The following CD99L2 variants were observed in gnomAD, a reference collection of about 807,000 sequenced individuals.
The protein encoded by CD99L2 is CD99 antigen-like protein 2.
In CD99L2, 24 loss-of-function variants were observed where a neutral mutation model predicts 27.3. The observed-to-expected ratio is 0.88, with a 90% CI of 0.64 to 1.24. The LOEUF (loss-of-function observed/expected upper bound fraction) is 1.24, where lower values mean the gene tolerates loss of function less well. CD99L2 is among the 50% of genes most tolerant of loss of function. The pLI, the probability that CD99L2 is intolerant of heterozygous loss-of-function variation, is 0.00. For synonymous variants in CD99L2, 97 were observed against 87.9 expected (o/e 1.10, Z -0.58); for missense variants, 255 against 221.6 (o/e 1.15, Z -0.96).
rs782341419 is a variant in CD99L2 at position 150,837,249 on chromosome X, ATTAT to A, written c.68-5960_68-5957del. Among the ~76,000 whole-genome samples, 79 of 108,919 alleles carry A rather than the reference ATTAT, an allele frequency of 7.3e-4. 1 individual carries two copies. The South Asian group carries it at 0.028, about 38-fold the overall frequency. 94.6% of individuals were successfully genotyped at this position (108,919 alleles called of 115,157 possible). A position where few individuals can be genotyped will look rare whatever the true frequency, so the allele number is the denominator to read the frequency against. ...AGGTGCCAGAAAGTAAGAAAGTATT[ATTAT>A]TTTTTTTTTTTTTGAGACGGAGCTT... On this transcript the variant is annotated intron_variant, in intron 1 of 10. Coordinates refer to ENST00000370377, the MANE Select transcript of CD99L2 (RefSeq NM_031462.4).
intron 1 of CD99L2, among the ~76,000 whole-genome samples, chrX:150,891,189 C>T (rs111437098): frequency 0.021 from 2,408 of 112,412 alleles, 65 homozygotes; most frequent in African/African-American, 0.073. Flanking sequence ...TTACTAGCAT[C>T]CTGTTTTGGC....
intron 1 of CD99L2, among the ~76,000 whole-genome samples, chrX:150,885,696 G>A (rs917773900): frequency 1.3e-4 from 14 of 111,911 alleles, no homozygotes; most frequent in African/African-American, 4.6e-4. Flanking sequence ...GTCTACCGGA[G>A]GGTATATAAT....
intron 1 of CD99L2, among the ~76,000 whole-genome samples, chrX:150,859,460 T>C (rs1427564316): frequency 1.8e-5 from 2 of 108,926 alleles, no homozygotes; most frequent in East Asian, 3.0e-4. Flanking sequence ...GATCGCGCCA[T>C]TGCACTCCAG....
Position 150,816,085 on chromosome X carries a change from G to C in CD99L2, c.131-7C>G, listed in dbSNP as rs2046150227. On this transcript the variant is annotated splice_polypyrimidine_tract_variant and splice_region_variant and intron_variant, in intron 2 of 10. Coordinates refer to ENST00000370377, the MANE Select transcript of CD99L2 (RefSeq NM_031462.4). ...GTGGTGTGGTCCCATGGCTCTAAAA[G>C]GGAGAGGGAGGACAGCAAGGGGAGC... 29 of 1,206,490 alleles carry C rather than the reference G, an allele frequency of 2.4e-5. No homozygotes were observed. The highest frequency in any genetic ancestry group is 3.1e-5 in the Non-Finnish European group (28 of 892,436).
chrX:150,882,479 C>T (rs2047345198), intron 1 of CD99L2, among the ~76,000 whole-genome samples: 1 of 111,897 alleles, frequency 8.9e-6, no homozygotes, highest in Non-Finnish European at 1.9e-5. Flanking sequence ...AATCCTAGCA[C>T]TTTGGGAGGC....
At chrX:150,791,855 G>A (rs1437618642) in intron 7 of CD99L2, among the ~76,000 whole-genome samples, 3 of 111,203 alleles carry the variant, frequency 2.7e-5, no homozygotes, top group Admixed American at 9.5e-5. Context: ...AGGGTAAGAG[G>A]TCTTCCTGAG....
chrX:150,889,476 A>C (rs782649451), intron 1 of CD99L2, among the ~76,000 whole-genome samples: 31 of 112,493 alleles, frequency 2.8e-4, no homozygotes, highest in African/African-American at 8.1e-4. Flanking sequence ...ATAAAAAAAA[A>C]AAAACAAAAG....
intron 1 of CD99L2, among the ~76,000 whole-genome samples, chrX:150,871,383 G>A (rs782726991): frequency 4.5e-5 from 5 of 111,577 alleles, no homozygotes; most frequent in Admixed American, 9.6e-5. Context: ...ATTCATGAAA[G>A]CACTAGAAAC....
chrX:150,881,174 C>A (rs1346404598), intron 1 of CD99L2, among the ~76,000 whole-genome samples: 1 of 111,170 alleles, frequency 9.0e-6, no homozygotes. Context: ...CAGTGTCCTT[C>A]ATGCTCTCAT....
chrX:150,879,247 TA>T (rs1315576706), intron 1 of CD99L2, among the ~76,000 whole-genome samples: 14 of 111,470 alleles, frequency 1.3e-4, no homozygotes, highest in Non-Finnish European at 2.6e-4. Context: ...AGTGGAGACC[TA>T]AAGGAGAAAG....
chrX:150,873,480 G>C (rs1557422243), intron 1 of CD99L2, among the ~76,000 whole-genome samples: 1 of 112,197 alleles, frequency 8.9e-6, no homozygotes, highest in African/African-American at 3.2e-5. Flanking sequence ...GTGTTTCAGA[G>C]CTGGTGAGAG....
chrX:150,818,113 T>C lies in CD99L2; in HGVS notation c.131-2035A>G, dbSNP rs905961828. Reference sequence around the variant, plus strand: ...GCCCCAAAATACATGAAGCAAAAAATTGCAAAATTGAAGAGAACAGATGAT... The same window carrying C: ...GCCCCAAAATACATGAAGCAAAAAACTGCAAAATTGAAGAGAACAGATGAT... On this transcript the variant is annotated intron_variant, in intron 2 of 10. Coordinates refer to ENST00000370377, the MANE Select transcript of CD99L2 (RefSeq NM_031462.4). 2.5e-4 allele frequency among the ~76,000 whole-genome samples: 25 copies of C among 100,407 alleles called. 1 individual carries two copies. Among genetic ancestry groups the C allele is most frequent in the Non-Finnish European group, 6.1e-5 (3 of 49,453 alleles). The allele number at this position is 100,407 out of a possible 115,157, so 87.2% of individuals were successfully genotyped here.
At position 150,795,254 on chromosome X, in the gene CD99L2, G is replaced by A. The variant is rs781914244; in HGVS notation, c.382C>T (p.Arg128Ter). ...CTGCGGCCATCATCTCGATCATTTC[G>A]ATCATCCAGGGCATCAGCCAAGTCA... ...DFDLADALDD[R>*]NDRDDGRRKP... Residue 128 changes from arginine (R) to a stop codon, truncating the protein, a stop_gained, in exon 6 of 11, where the codon CGA (arginine) becomes TGA (stop). Transcript: ENST00000370377. LOFTEE classifies it high-confidence loss of function. The A allele has an allele frequency of 4.1e-6, 5 of 1,211,664 alleles. No individual in the cohort carries two copies. Among genetic ancestry groups the A allele is most frequent in the South Asian group, 1.8e-5 (1 of 56,952 alleles).
rs573496496 is a variant in CD99L2 at position 150,767,567 on chromosome X, G to A, written c.*1467C>T. ...TTTGCAAAACGAACACGAGGCATGC[G>A]TTAGACAGATGCATGTGGGGGCTGC... On this transcript the variant is annotated 3_prime_UTR_variant, in exon 11 of 11. Coordinates refer to ENST00000370377, the MANE Select transcript of CD99L2 (RefSeq NM_031462.4). The A allele has an allele frequency of 8.9e-6, 1 of 111,933 alleles. No individual in the cohort carries two copies. Among genetic ancestry groups the A allele is most frequent in the South Asian group, 3.8e-4 (1 of 2,658 alleles). 9.2% of individuals were successfully genotyped at this position (111,933 alleles called of 1,213,427 possible).
At chrX:150,871,612 T>C (rs953066803) in intron 1 of CD99L2, among the ~76,000 whole-genome samples, 3 of 112,026 alleles carry the variant, frequency 2.7e-5, no homozygotes, top group Non-Finnish European at 5.6e-5. Context: ...TCACACCCCA[T>C]GAGTCAGCAA....
chrX:150,862,817 AAAG>A (rs1299572629), intron 1 of CD99L2, among the ~76,000 whole-genome samples: 1 of 109,076 alleles, frequency 9.2e-6, no homozygotes, highest in African/African-American at 3.4e-5. Context: ...GGTGCGAAAG[AAAG>A]AAGGAAAGAA....
chrX:150,831,428 G>A (rs1557421063), intron 1 of CD99L2, 135 bp from the exon 2 acceptor site: 2 of 490,852 alleles, frequency 4.1e-6, no homozygotes. Context: ...GAAACCCAAA[G>A]TGAGTGGTGG....
At position 150,865,993 on chromosome X, in the gene CD99L2, C is replaced by T. The variant is rs1011621431; in HGVS notation, c.67+32529G>A. Among the ~76,000 whole-genome samples, 5 of 111,415 alleles carry T rather than the reference C, an allele frequency of 4.5e-5. No homozygotes were observed. The Admixed American group carries it at 4.8e-4, about 11-fold the overall frequency. On this transcript the variant is annotated intron_variant, in intron 1 of 10. Coordinates refer to ENST00000370377, the MANE Select transcript of CD99L2 (RefSeq NM_031462.4). ...AAAATTGGCTGGGCGTGGTGATGCA[C>T]TCCTGTAGTCCGTGCTACTCTGGAG...
intron 7 of CD99L2, among the ~76,000 whole-genome samples, chrX:150,787,157 C>T (rs1410731723): frequency 8.9e-6 from 1 of 112,025 alleles, no homozygotes; most frequent in Non-Finnish European, 1.9e-5. Context: ...TTCTCACATT[C>T]TATAGGTTGT....
Sources: allele counts gnomAD v4.1 joint callset (sites outside exome capture counted in the v4.1 genomes callset), GRCh38; gene constraint gnomAD v4.1.1; transcripts MANE v1.5; gene names NCBI Gene and HGNC (gene_info 2026-07-23, HGNC 2026-07-21).